The following SCIN variants were observed in gnomAD, a reference collection of about 807,000 sequenced individuals.
SCIN encodes the protein adseverin.
A neutral mutation model predicts 91.8 loss-of-function variants in SCIN; 91 were observed. The observed-to-expected ratio is 0.99, with a 90% CI of 0.84 to 1.18. The LOEUF (loss-of-function observed/expected upper bound fraction) is 1.18. SCIN is among the 50% of genes most tolerant of loss of function. The probability of loss-of-function intolerance (pLI) is 0.00; values close to 1 mark genes in which losing one functional copy is unlikely to be tolerated. For synonymous variants in SCIN, 367 were observed against 312.6 expected, an observed-to-expected ratio of 1.17 and a Z score of -1.84; for missense variants, 1,087 against 863.9, an observed-to-expected ratio of 1.26 and a Z score of -3.24.
At chr7:12,595,243 G>T (rs1226366023) in intron 3 of SCIN, among the ~76,000 whole-genome samples, 1 of 152,186 alleles carries the variant, frequency 6.6e-6, no homozygotes, top group African/African-American at 2.4e-5. Flanking sequence ...ATATGGGGCA[G>T]AGAGACCCTG....
intron 4 of SCIN, among the ~76,000 whole-genome samples, chr7:12,617,271 C>A (rs1383647478): frequency 6.6e-6 from 1 of 152,066 alleles, no homozygotes; most frequent in African/African-American, 2.4e-5. Flanking sequence ...GTAATAATCA[C>A]ATGATAATTG....
At chr7:12,627,406 T>C (rs933942812) in intron 8 of SCIN, among the ~76,000 whole-genome samples, 3 of 152,240 alleles carry the variant, frequency 2.0e-5, no homozygotes, top group Admixed American at 2.0e-4. Context: ...AAGTGGCCTT[T>C]CTCTGTGCTC....
At chr7:12,608,428 G>A (rs1583296327) in intron 4 of SCIN, among the ~76,000 whole-genome samples, 1 of 152,050 alleles carries the variant, frequency 6.6e-6, no homozygotes, top group Non-Finnish European at 1.5e-5. Flanking sequence ...ACTAGAGATG[G>A]AGTCTGAAAA....
In SCIN at chr7:12,653,694, A is replaced by G. The variant is rs1053343728; in HGVS notation, c.*979A>G. 2.6e-5 allele frequency: 4 copies of G among 152,220 alleles called. 1 individual carries two copies. The highest frequency in any genetic ancestry group is 9.6e-5 in the African/African-American group (4 of 41,464). 9.4% of individuals were successfully genotyped at this position (152,220 alleles called of 1,614,324 possible). ...TTTAATATCACAGGAGATCAAAAAGACAATGCACAGGGGAGTATCCCAGGG... is the reference window on the plus strand; with the variant it reads ...TTTAATATCACAGGAGATCAAAAAGGCAATGCACAGGGGAGTATCCCAGGG... On this transcript the variant is annotated 3_prime_UTR_variant, in exon 16 of 16. Transcript: ENST00000297029. The surrounding 1 kb of genome is among the most constrained non-coding windows in gnomAD (Gnocchi z 4.1).
chr7:12,589,971 G>A (rs1172974949), intron 3 of SCIN, among the ~76,000 whole-genome samples: 1 of 149,544 alleles, frequency 6.7e-6, no homozygotes, highest in Non-Finnish European at 1.5e-5. Flanking sequence ...GAGTGAGTTT[G>A]GTTAACTGAG....
At position 12,645,630 on chromosome 7, in the gene SCIN, G is replaced by C. The variant is rs117875573; in HGVS notation, c.1881+925G>C. ...TATCCATTAGTTATTTTTCCTGATC[G>C]TCTCCCTCATCCCACCTTCCACCTT... On this transcript the variant is annotated intron_variant, in intron 13 of 15. Transcript: ENST00000297029. Among the ~76,000 whole-genome samples the C allele has an allele frequency of 6.6e-5, 10 of 152,066 alleles. No individual in the cohort carries two copies. The Middle Eastern group carries it at 0.01, about 155-fold the overall frequency.
At chr7:12,587,211 T>A (rs1347768041) in intron 3 of SCIN, among the ~76,000 whole-genome samples, 2 of 152,220 alleles carry the variant, frequency 1.3e-5, no homozygotes, top group Non-Finnish European at 2.9e-5. Context: ...ATATGTACAA[T>A]TTTTACATGT....
intron 13 of SCIN, among the ~76,000 whole-genome samples, chr7:12,647,402 A>C (rs961857165): frequency 3.9e-5 from 6 of 152,202 alleles, no homozygotes; most frequent in African/African-American, 1.4e-4. Flanking sequence ...GGCAGCTACA[A>C]GGCAGCAGAG....
intron 13 of SCIN, among the ~76,000 whole-genome samples, chr7:12,646,539 T>C (rs1437537759): frequency 6.6e-6 from 1 of 152,028 alleles, no homozygotes; most frequent in Non-Finnish European, 1.5e-5. Flanking sequence ...AAACATCCAA[T>C]ACAAAAGAAT....
In SCIN at chr7:12,649,479, C is replaced by A; in HGVS notation, c.1894C>A (p.Pro632Thr). Residue 632 changes from proline to threonine, a missense_variant, in exon 14 of 16, where the codon CCA becomes ACA. Physicochemically the swap from Pro to Thr is conservative, Grantham distance 38. Coordinates refer to ENST00000297029, the MANE Select transcript of SCIN (RefSeq NM_001112706.3). Reference sequence around the variant, plus strand: ...TTATACCTTTCAGATTGAAGAGATTCCAGGAGAGTTCACCCAGGATGATTT... The same window carrying A: ...TTATACCTTTCAGATTGAAGAGATTACAGGAGAGTTCACCCAGGATGATTT... Reference protein sequence around the residue: ...KTGRFVIEEIPGEFTQDDLAE... With the variant: ...KTGRFVIEEITGEFTQDDLAE... 1 of 1,598,016 alleles carries A rather than the reference C, an allele frequency of 6.3e-7. No individual in the cohort carries two copies. The highest frequency in any genetic ancestry group is 8.5e-7 in the Non-Finnish European group (1 of 1,171,378).
intron 8 of SCIN, among the ~76,000 whole-genome samples, chr7:12,627,091 TACACACACACAC>T (rs10654667): frequency 6.7e-6 from 1 of 149,146 alleles, no homozygotes; most frequent in Non-Finnish European, 1.5e-5. Flanking sequence ...AATGTGTGTA[TACACACACACAC>T]ACACACACAC....
chr7:12,582,651 AC>A (rs1207612770), intron 3 of SCIN, among the ~76,000 whole-genome samples: 2 of 152,188 alleles, frequency 1.3e-5, no homozygotes, highest in African/African-American at 4.8e-5. Flanking sequence ...GTCCTTTTCA[AC>A]TTCAATAGCT....
At chr7:12,600,216 T>C (rs1237868960) in intron 3 of SCIN, among the ~76,000 whole-genome samples, 4 of 152,190 alleles carry the variant, frequency 2.6e-5, no homozygotes, top group African/African-American at 9.6e-5. Flanking sequence ...TTGGATAGAA[T>C]TGGAGACTAT....
intron 9 of SCIN, among the ~76,000 whole-genome samples, chr7:12,631,591 A>T (rs1783644289): frequency 6.6e-6 from 1 of 152,142 alleles, no homozygotes; most frequent in South Asian, 2.1e-4. Flanking sequence ...TTATAAGAAG[A>T]GAAAGAAGCC....
At chr7:12,631,525 A>G (rs1583312165) in intron 9 of SCIN, among the ~76,000 whole-genome samples, 1 of 152,304 alleles carries the variant, frequency 6.6e-6, no homozygotes, top group East Asian at 1.9e-4. Flanking sequence ...AGCTCTCATG[A>G]ATGGATGAGT....
In SCIN at chr7:12,625,281, T is replaced by A. The variant is rs1055876115; in HGVS notation, c.892+139T>A. 12 of 756,026 alleles carry A rather than the reference T, an allele frequency of 1.6e-5. No homozygotes were observed. The African/African-American group carries it at 2.0e-4, about 13-fold the overall frequency. 46.8% of individuals were successfully genotyped at this position (756,026 alleles called of 1,614,324 possible). A position where few individuals can be genotyped will look rare whatever the true frequency, so the allele number is the denominator to read the frequency against. On this transcript the variant is annotated intron_variant, in intron 6 of 15. Coordinates refer to ENST00000297029, the MANE Select transcript of SCIN (RefSeq NM_001112706.3). ...TGATCTATAAATGTCTCACATAAAA[T>A]GCAGCCATTTTCCTCCTACCAACAT...
In SCIN at chr7:12,570,854, G is replaced by A. The variant is rs989521512; in HGVS notation, c.68G>A (p.Arg23Lys). The change falls in exon 1 of 16, where the codon AGG becomes AAG. Residue 23 changes from arginine to lysine, a missense_variant. Coordinates refer to ENST00000297029, the MANE Select transcript of SCIN (RefSeq NM_001112706.3). ...AAGCAGGCGGGGCTGCAGGTCTGGA[G>A]GATTGAGAAGCTGGAGCTGGTGCCC... ...AGKQAGLQVW[R>K]IEKLELVPVP... 1.9e-6 allele frequency: 3 copies of A among 1,551,668 alleles called. No homozygotes were observed. The highest frequency in any genetic ancestry group is 2.6e-6 in the Non-Finnish European group (3 of 1,146,992).
Position 12,629,157 on chromosome 7 carries a change from A to C in SCIN, c.1254A>C (p.Glu418Asp). The C allele has an allele frequency of 6.2e-7, 1 of 1,613,348 alleles. No individual in the cohort carries two copies. Among genetic ancestry groups the C allele is most frequent in the Non-Finnish European group, 8.5e-7 (1 of 1,179,478 alleles). ...RIQVDQNSYG[E>D]FYGGDCYIIL... ...AAGTTGACCAAAACTCATATGGTGA[A>C]TTCTATGGTGGTGACTGCTACATCA... Residue 418 changes from glutamate (E) to aspartate (D), a missense_variant, in exon 9 of 16, where the codon GAA becomes GAC. By Grantham distance (45) the Glu-to-Asp change is conservative. Coordinates refer to ENST00000297029, the MANE Select transcript of SCIN (RefSeq NM_001112706.3).
At chr7:12,582,207 T>A (rs6460968) in intron 3 of SCIN, among the ~76,000 whole-genome samples, 1 of 151,962 alleles carries the variant, frequency 6.6e-6, no homozygotes, top group Non-Finnish European at 1.5e-5. Context: ...CATATCTGAT[T>A]CCCCACGAAG....
Sources: allele counts gnomAD v4.1 joint callset (sites outside exome capture counted in the v4.1 genomes callset), GRCh38; gene constraint gnomAD v4.1.1; non-coding constraint Gnocchi (gnomAD v3.1); transcripts MANE v1.5; gene names NCBI Gene and HGNC (gene_info 2026-07-23, HGNC 2026-07-21).